The following HECW1 variants were observed in gnomAD, a reference collection of about 807,000 sequenced individuals.
HECW1 encodes HECT, C2 and WW domain containing E3 ubiquitin protein ligase 1, also known as E3 ubiquitin-protein ligase HECW1.
A neutral mutation model predicts 182.3 loss-of-function variants in HECW1; 61 were observed. That is an observed-to-expected ratio of 0.33 (90% CI 0.27 to 0.41). HECW1 has a LOEUF of 0.41. Among genes scored for constraint, HECW1 ranks in the 10% least tolerant of loss-of-function variants. The probability of loss-of-function intolerance (pLI) is 1.00; values close to 1 mark genes in which losing one functional copy is unlikely to be tolerated. For synonymous variants in HECW1, 859 were observed against 832.6 expected, an observed-to-expected ratio of 1.03 and a Z score of -0.55; for missense variants, 1,739 against 2,108.9, an observed-to-expected ratio of 0.82 and a Z score of 3.44.
At chr7:43,147,530 T>A (rs942705892) in intron 2 of HECW1, 1 of 152,264 alleles carries the variant, frequency 6.6e-6, no homozygotes, top group Non-Finnish European at 1.5e-5. Flanking sequence ...ATATTCATCA[T>A]GGCTTGGATG....
rs368560425 is a variant in HECW1, at chr7:43,478,419, G to A, written c.3100-1191G>A. 1.5e-4 allele frequency among the ~76,000 whole-genome samples: 23 copies of A among 151,594 alleles called. No individual in the cohort carries two copies. In the South Asian group the frequency reaches 3.5e-3, roughly 23 times the overall value. On this transcript the variant is annotated intron_variant, in intron 16 of 29. Transcript: ENST00000395891. ...TGACAGGCAATGAGAGTGAAACTCC[G>A]TCTCAAAAAAAAAGTGTTCATTGAA...
chr7:43,404,495 A>G (rs1204897875), intron 7 of HECW1, among the ~76,000 whole-genome samples: 2 of 152,254 alleles, frequency 1.3e-5, no homozygotes, highest in Non-Finnish European at 2.9e-5. Flanking sequence ...TTTTAAAAAA[A>G]TAAGAACAAT....
chr7:43,199,292 G>A (rs1374320495), intron 2 of HECW1, among the ~76,000 whole-genome samples: 8 of 152,168 alleles, frequency 5.3e-5, no homozygotes, highest in Non-Finnish European at 8.8e-5. Context: ...CTAATCAGTA[G>A]CAAAGTATAT....
At chr7:43,370,194 A>G (rs980108893) in intron 6 of HECW1, among the ~76,000 whole-genome samples, 2 of 152,272 alleles carry the variant, frequency 1.3e-5, no homozygotes, top group Admixed American at 6.5e-5. Context: ...AAAAATGGGC[A>G]AAACACCTGG....
intron 5 of HECW1, among the ~76,000 whole-genome samples, chr7:43,356,045 G>A (rs1815090733): frequency 6.6e-6 from 1 of 151,902 alleles, no homozygotes; most frequent in Admixed American, 6.6e-5. Flanking sequence ...GCAGTAATCA[G>A]TCCTTACTTA....
intron 2 of HECW1, among the ~76,000 whole-genome samples, chr7:43,137,528 TTTTATTTATTTATTTATTTA>T (rs368972324): frequency 6.8e-6 from 1 of 147,432 alleles, no homozygotes; most frequent in Non-Finnish European, 1.5e-5. Context: ...TTCTGCCTTC[TTTTATTTATTTATTTATTTA>T]TTTATTTATT....
At chr7:43,418,029 G>C (rs1562954705) in intron 8 of HECW1, among the ~76,000 whole-genome samples, 1 of 152,194 alleles carries the variant, frequency 6.6e-6, no homozygotes, top group African/African-American at 2.4e-5. Flanking sequence ...CTCTAAAGCT[G>C]TTCCATGCCT....
At chr7:43,219,370 T>C (rs949763790) in intron 2 of HECW1, among the ~76,000 whole-genome samples, 2 of 152,144 alleles carry the variant, frequency 1.3e-5, no homozygotes, top group African/African-American at 4.8e-5. Flanking sequence ...TTTTCCTCTC[T>C]GTCTGCCTAA....
intron 5 of HECW1, among the ~76,000 whole-genome samples, chr7:43,332,927 TTC>T (rs2152792908): frequency 6.6e-6 from 1 of 152,310 alleles, no homozygotes; most frequent in South Asian, 2.1e-4. Context: ...AGGAAGATAA[TTC>T]AACCGGTCCC....
chr7:43,550,351 T>A, intron 26 of HECW1, 94 bp from the exon 27 acceptor site: 3 of 1,371,442 alleles, frequency 2.2e-6, no homozygotes, highest in Non-Finnish European at 3.1e-6. Context: ...CTGTAGAGGA[T>A]TTTTGGCATA....
chr7:43,236,917 C>T (rs544308066), intron 2 of HECW1, among the ~76,000 whole-genome samples: 2 of 152,174 alleles, frequency 1.3e-5, no homozygotes. Flanking sequence ...ATAGTTGCCA[C>T]CTTGAGTTTT....
At chr7:43,405,364 G>T (rs559965791) in intron 7 of HECW1, among the ~76,000 whole-genome samples, 2 of 152,244 alleles carry the variant, frequency 1.3e-5, no homozygotes, top group South Asian at 4.1e-4. Flanking sequence ...TATACTCGTG[G>T]TATGACTTAT....
At chr7:43,320,538 G>C in intron 4 of HECW1, 97 bp from the exon 5 acceptor site, 1 of 822,044 alleles carries the variant, frequency 1.2e-6, no homozygotes, top group Non-Finnish European at 2.0e-6. Context: ...TGTTGAGATG[G>C]AAGCAGCATT....
intron 29 of HECW1, among the ~76,000 whole-genome samples, chr7:43,558,950 C>A (rs2152964803): frequency 1.3e-5 from 2 of 152,294 alleles, no homozygotes; most frequent in Middle Eastern, 6.8e-3. Flanking sequence ...CTGAAGAGAA[C>A]AAGGCTGTAG....
At chr7:43,230,730 G>A (rs764006158) in intron 2 of HECW1, among the ~76,000 whole-genome samples, 9 of 152,048 alleles carry the variant, frequency 5.9e-5, no homozygotes, top group East Asian at 1.9e-4. Context: ...ATATGTATAC[G>A]TATATAAATT....
intron 2 of HECW1, among the ~76,000 whole-genome samples, chr7:43,229,705 G>T (rs1200320646): frequency 2.0e-5 from 3 of 152,188 alleles, no homozygotes; most frequent in Non-Finnish European, 4.4e-5. Flanking sequence ...TTAATGGATG[G>T]TAAAGGAAAT....
chr7:43,466,066 G>A (rs2077763443), intron 14 of HECW1, among the ~76,000 whole-genome samples: 1 of 136,358 alleles, frequency 7.3e-6, no homozygotes, highest in African/African-American at 2.8e-5. Context: ...AGGGAGGGAA[G>A]GAAGGAAGGA....
chr7:43,387,116 T>C (rs2074831291), intron 6 of HECW1, among the ~76,000 whole-genome samples: 1 of 152,078 alleles, frequency 6.6e-6, no homozygotes, highest in African/African-American at 2.4e-5. Context: ...AGCAGCTCTT[T>C]CTTGTCATGA....
At chr7:43,438,235 C>CAA in intron 9 of HECW1, 90 bp downstream of exon 9, 1 of 1,041,512 alleles carries the variant, frequency 9.6e-7, no homozygotes, top group Admixed American at 2.4e-5. Flanking sequence ...AGTATAGTCT[C>CAA]ACAGAGAGTC....
Sources: gnomAD v4.1 joint callset for allele counts (sites outside exome capture counted in the v4.1 genomes callset) on GRCh38, gnomAD v4.1.1 for gene constraint, MANE v1.5 for transcripts, NCBI Gene and HGNC (gene_info 2026-07-23, HGNC 2026-07-21) for gene names.